CCDC178: variants seen among roughly 807,000 people sequenced by gnomAD.
The protein encoded by CCDC178 is coiled-coil domain-containing protein 178.
A neutral mutation model predicts 117.4 loss-of-function variants in CCDC178; 126 were observed. That is an observed-to-expected ratio of 1.07 (90% confidence interval 0.93 to 1.24). CCDC178 has a LOEUF of 1.24. Ranked by LOEUF, CCDC178 falls within the 50% of genes most tolerant of loss-of-function variation. The probability of loss-of-function intolerance (pLI) is 0.00; values close to 1 mark genes in which losing one functional copy is unlikely to be tolerated. For synonymous variants in CCDC178, 283 were observed against 313.4 expected, an observed-to-expected ratio of 0.90 and a Z score of 1.02; for missense variants, 1,030 against 986.9, an observed-to-expected ratio of 1.04 and a Z score of -0.59.
At chr18:33,193,605 C>T (rs2058889555) in intron 20 of CCDC178, among the ~76,000 whole-genome samples, 1 of 152,020 alleles carries the variant, frequency 6.6e-6, no homozygotes, top group Non-Finnish European at 1.5e-5. Flanking sequence ...ACATAGAATT[C>T]CGGATCAGTT....
intron 7 of CCDC178, among the ~76,000 whole-genome samples, chr18:33,352,981 T>C (rs1397649396): frequency 6.6e-6 from 1 of 152,110 alleles, no homozygotes; most frequent in African/African-American, 2.4e-5. Flanking sequence ...GCTTAGTTCT[T>C]TTATCCATTA....
intron 15 of CCDC178, among the ~76,000 whole-genome samples, chr18:33,241,439 T>C: frequency 6.7e-6 from 1 of 148,648 alleles, no homozygotes; most frequent in South Asian, 2.1e-4. Flanking sequence ...CGTGTGTGTG[T>C]GTGTGTGTGT....
intron 18 of CCDC178, among the ~76,000 whole-genome samples, chr18:33,220,233 C>T (rs2059214813): frequency 6.6e-6 from 1 of 152,030 alleles, no homozygotes. Flanking sequence ...GGTAAGGGAG[C>T]AATCAGTGGG....
At chr18:33,376,146 T>G (rs1233080547) in intron 5 of CCDC178, among the ~76,000 whole-genome samples, 1 of 152,096 alleles carries the variant, frequency 6.6e-6, no homozygotes, top group Non-Finnish European at 1.5e-5. Flanking sequence ...GCTGATGAGT[T>G]TAAGGTGTTT....
chr18:32,984,805 A>T (rs2055228447), intron 21 of CCDC178, among the ~76,000 whole-genome samples: 1 of 152,040 alleles, frequency 6.6e-6, no homozygotes, highest in South Asian at 2.1e-4. Flanking sequence ...AATATGAAAG[A>T]TTACACTGTC....
rs770264447 is a variant in CCDC178, at chr18:33,397,172, T to C, written c.95A>G (p.Lys32Arg). 3 of 1,606,858 alleles carry C rather than the reference T, an allele frequency of 1.9e-6. No homozygotes were observed. The highest frequency in any genetic ancestry group is 1.7e-5 in the Admixed American group (1 of 59,718). The change falls in exon 4 of 23, where the codon AAG (lysine) becomes AGG (arginine). Residue 32 changes from lysine to arginine, a missense_variant. Coordinates refer to ENST00000383096, the MANE Select transcript of CCDC178 (RefSeq NM_001105528.4). ...TCQEVKALRE[K>R]AWSRTNEGNA... The stretch of plus-strand genomic sequence containing the variant: ...ACCTTCATTTGTCCTTGACCATGCC[T>C]TCTCTCTGAGAGCCTTTACTTCCTG...
intron 22 of CCDC178, chr18:32,957,975 A>C (rs1298477251): frequency 3.7e-6 from 1 of 272,366 alleles, no homozygotes; most frequent in Non-Finnish European, 6.8e-6. Context: ...CTCTTTAGTT[A>C]ATAAATGAAG....
chr18:33,166,426 G>A (rs1487608648), intron 20 of CCDC178, among the ~76,000 whole-genome samples: 1 of 151,958 alleles, frequency 6.6e-6, no homozygotes, highest in African/African-American at 2.4e-5. Context: ...TTAGAGAAAA[G>A]GAAAAAAATC....
At chr18:33,110,703 T>C (rs536632649) in intron 20 of CCDC178, among the ~76,000 whole-genome samples, 1 of 151,792 alleles carries the variant, frequency 6.6e-6, no homozygotes, top group South Asian at 2.1e-4. Flanking sequence ...TGGCATCTTC[T>C]TGTAAATCAA....
intron 11 of CCDC178, among the ~76,000 whole-genome samples, chr18:33,299,248 A>C (rs2062145342): frequency 6.6e-6 from 1 of 152,186 alleles, no homozygotes; most frequent in Non-Finnish European, 1.5e-5. Context: ...GACAATAAAA[A>C]TGGATACATA....
intron 3 of CCDC178, among the ~76,000 whole-genome samples, chr18:33,407,650 C>T (rs1292205571): frequency 2.0e-5 from 3 of 151,908 alleles, no homozygotes; most frequent in Non-Finnish European, 4.4e-5. Context: ...CTATTATTAA[C>T]ACTATTGTAC....
intron 18 of CCDC178, among the ~76,000 whole-genome samples, chr18:33,221,818 A>G (rs907272407): frequency 6.6e-6 from 1 of 152,118 alleles, no homozygotes; most frequent in Admixed American, 6.6e-5. Flanking sequence ...GTACAAAACC[A>G]CTAGTAAGAT....
At chr18:33,249,446 A>G (rs1368942645) in intron 14 of CCDC178, among the ~76,000 whole-genome samples, 1 of 152,054 alleles carries the variant, frequency 6.6e-6, no homozygotes, top group Admixed American at 6.6e-5. Flanking sequence ...ATTTTTGTAT[A>G]AGGTGTAAGG....
chr18:32,958,894 A>G (rs540305370), intron 22 of CCDC178, among the ~76,000 whole-genome samples: 62 of 152,292 alleles, frequency 4.1e-4, no homozygotes, highest in African/African-American at 1.4e-3. Context: ...AGAGGCATTA[A>G]GGGTGGAACT....
intron 21 of CCDC178, among the ~76,000 whole-genome samples, chr18:33,036,760 T>A (rs1567947746): frequency 6.6e-6 from 1 of 151,888 alleles, no homozygotes; most frequent in East Asian, 1.9e-4. Context: ...TTTTGAAGAA[T>A]CACTGAAGGG....
intron 11 of CCDC178, among the ~76,000 whole-genome samples, chr18:33,311,591 C>A (rs182029463): frequency 6.6e-6 from 1 of 152,170 alleles, no homozygotes; most frequent in Non-Finnish European, 1.5e-5. Flanking sequence ...CTTCAATGTG[C>A]CTTCTTCAAT....
Position 33,155,815 on chromosome 18 carries a change from A to G in CCDC178, c.2238+56081T>C, listed in dbSNP as rs576646494. Among the ~76,000 whole-genome samples the G allele has an allele frequency of 2.0e-5, 3 of 152,274 alleles. No individual in the cohort carries two copies. The East Asian group carries it at 5.8e-4, about 29-fold the overall frequency. On this transcript the variant is annotated intron_variant, in intron 20 of 22. Transcript: ENST00000383096. ...GGAACACATACTAGCAGACCCAGACATGGAAATGATACAGAAACATAAAGT... is the reference window on the plus strand; with the variant it reads ...GGAACACATACTAGCAGACCCAGACGTGGAAATGATACAGAAACATAAAGT...
intron 20 of CCDC178, among the ~76,000 whole-genome samples, chr18:33,157,048 C>A (rs771134585): frequency 6.6e-6 from 1 of 152,124 alleles, no homozygotes; most frequent in Non-Finnish European, 1.5e-5. Flanking sequence ...TTCAATAAAT[C>A]AATATGATGG....
In CCDC178 at chr18:33,227,818, T is replaced by C. The variant is rs1599026082; in HGVS notation, c.1594-963A>G. 5.3e-5 allele frequency among the ~76,000 whole-genome samples: 8 copies of C among 152,110 alleles called. No homozygotes were observed. In the South Asian group the frequency reaches 6.2e-4, roughly 12 times the overall value. On this transcript the variant is annotated intron_variant, in intron 15 of 22. Coordinates refer to ENST00000383096, the MANE Select transcript of CCDC178 (RefSeq NM_001105528.4). ...TCCAAAGAAGGAAACATGAAGGTGGTAAATAAAGCAGTAACTTTGATATAT... is the reference window on the plus strand; with the variant it reads ...TCCAAAGAAGGAAACATGAAGGTGGCAAATAAAGCAGTAACTTTGATATAT...
Sources: gnomAD v4.1 joint callset for allele counts (sites outside exome capture counted in the v4.1 genomes callset) on GRCh38, gnomAD v4.1.1 for gene constraint, MANE v1.5 for transcripts, NCBI Gene and HGNC (gene_info 2026-07-23, HGNC 2026-07-21) for gene names.